Variants in OGG1 observed in about 807,000 individuals in gnomAD.
OGG1 encodes the protein 8-oxoguanine DNA glycosylase.
OGG1 carries 35 observed loss-of-function variants against 42.3 expected under a neutral mutation model. The ratio of observed to expected loss-of-function variants is 0.83; its 90% confidence interval spans 0.63 to 1.10. The LOEUF (loss-of-function observed/expected upper bound fraction) is 1.10. Among genes scored for constraint, OGG1 ranks in the 50% least tolerant of loss-of-function variants. The pLI is 0.00. For synonymous variants in OGG1, 189 were observed against 179.0 expected (o/e 1.06, Z -0.44); for missense variants, 484 against 446.7 (o/e 1.08, Z -0.75).
At chr3:9,752,103 C>T in intron 3 of OGG1, 154 bp downstream of exon 3, 1 of 689,566 alleles carries the variant, frequency 1.5e-6, no homozygotes. Context: ...AGTTACTCAT[C>T]CTCCCTATGC....
rs1275229911 is a variant in OGG1 at position 9,754,802 on chromosome 3, C to T, written c.664C>T (p.Leu222=). The T allele has an allele frequency of 1.2e-6, 2 of 1,613,410 alleles. No homozygotes were observed. Among genetic ancestry groups the T allele is most frequent in the Non-Finnish European group, 1.7e-6 (2 of 1,179,800 alleles). ...AGCCATCCTGGAAGAACAGGGCGGG[C>T]TAGCCTGGCTGCAGCAGCTACGAGA... is the stretch of plus-strand genomic sequence containing the variant. ...ARAILEEQGG[L]AWLQQLRESS... is the part of the protein sequence containing the mutation. The change falls in exon 4 of 7, where the codon CTA becomes TTA. Residue 222 remains leucine (L), a synonymous_variant. Coordinates refer to ENST00000344629, the MANE Select transcript of OGG1 (RefSeq NM_002542.6).
intron 3 of OGG1, chr3:9,781,716 G>C: frequency 2.4e-6 from 1 of 416,804 alleles, no homozygotes; most frequent in Admixed American, 2.4e-5. Flanking sequence ...TTCCAGAAGG[G>C]GAAGGAGATG....
chr3:9,751,243 C>A (rs1363864555), intron 2 of OGG1, 51 bp downstream of exon 2: 1 of 1,593,340 alleles, frequency 6.3e-7, no homozygotes, highest in Non-Finnish European at 8.6e-7. Context: ...TAAGTCACTT[C>A]TCTATGACTC....
At chr3:9,763,257 C>T (rs552359347) in intron 7 of OGG1, 13 of 1,611,814 alleles carry the variant, frequency 8.1e-6, no homozygotes, top group Non-Finnish European at 1.1e-5. Context: ...TGGCGGTGTG[C>T]ACCTGTAGTC....
chr3:9,762,770 A>C, intron 7 of OGG1: 1 of 710,640 alleles, frequency 1.4e-6, no homozygotes, highest in Non-Finnish European at 2.4e-6. Flanking sequence ...GGGAGGAGGC[A>C]GTTTAAAGGT....
chr3:9,759,175 CTTA>C (rs2077727656), downstream of OGG1: 1 of 1,603,652 alleles, frequency 6.2e-7, no homozygotes, highest in Admixed American at 1.7e-5. Context: ...CTAATTCCTA[CTTA>C]ACTGACAGCT....
chr3:9,765,726 G>C (rs762117616), intron 7 of OGG1: 1 of 1,611,358 alleles, frequency 6.2e-7, no homozygotes, highest in Admixed American at 1.7e-5. Flanking sequence ...GGCAGGGTCA[G>C]CTTGGGGCAG....
At chr3:9,767,731 C>G, downstream of OGG1, 2 of 1,614,176 alleles carry the variant, frequency 1.2e-6, no homozygotes, top group Non-Finnish European at 1.7e-6. Flanking sequence ...CACCTGGGGC[C>G]TTCCACTGCC....
At chr3:9,761,072 C>T (rs932972830), downstream of OGG1, 6 of 376,948 alleles carry the variant, frequency 1.6e-5, no homozygotes, top group African/African-American at 6.2e-5. Context: ...ACAGCGAGCC[C>T]TTCCCTGACC....
downstream of OGG1, chr3:9,757,472 G>C (rs868547975): frequency 1.9e-6 from 3 of 1,602,964 alleles, no homozygotes; most frequent in African/African-American, 2.7e-5. This position sits in a 1 kb window ranked among gnomAD's most constrained non-coding sequence, Gnocchi z 4.5. Context: ...CCGGTTCAGG[G>C]AGGGAAGGGG....
chr3:9,758,797 T>G, downstream of OGG1: 1 of 257,202 alleles, frequency 3.9e-6, no homozygotes, highest in Non-Finnish European at 7.7e-6. Flanking sequence ...GTGTGGCTAA[T>G]TCTTTTATTT....
At chr3:9,787,378 C>A in intron 3 of OGG1, 1 of 1,571,060 alleles carries the variant, frequency 6.4e-7, no homozygotes. Flanking sequence ...AGTGGGTAAG[C>A]ACTGGCCAGC....
At chr3:9,765,259 G>T (rs939162137) in intron 7 of OGG1, among the ~76,000 whole-genome samples, 1 of 152,066 alleles carries the variant, frequency 6.6e-6, no homozygotes, top group African/African-American at 2.4e-5. Flanking sequence ...GCCCAGGGTG[G>T]TTGGAAGCTC....
rs1438869846 is a variant in OGG1, at chr3:9,786,715, G to A, written c.383-1013G>A. ...TGGGGAAAGTTGGAGAAAAACAGGG[G>A]CATGAGAGGGGCTTCTAGGATATAG... On this transcript the variant is annotated intron_variant, in intron 3 of 3. Transcript: ENST00000426518. 2.0e-5 allele frequency among the ~76,000 whole-genome samples: 3 copies of A among 152,318 alleles called. No homozygotes were observed. In the East Asian group the frequency reaches 5.8e-4, roughly 29 times the overall value.
At position 9,765,879 on chromosome 3, in the gene OGG1, G is replaced by A. The variant is rs776877972; in HGVS notation, c.*48G>A. The stretch of plus-strand genomic sequence containing the variant: ...CTTATCTTCTGCCAGGATCACCTCC[G>A]AGAAGGCCCCCCTATCGGGAGAGGG... On this transcript the variant is annotated 3_prime_UTR_variant, in exon 8 of 8. Coordinates refer to the OGG1 transcript ENST00000302008. 1.6e-5 allele frequency: 26 copies of A among 1,613,920 alleles called. No individual in the cohort carries two copies. Among genetic ancestry groups the A allele is most frequent in the Non-Finnish European group, 2.2e-5 (26 of 1,180,012 alleles).
Position 9,757,309 on chromosome 3 carries a change from G to A in OGG1, c.*159G>A. The A allele has an allele frequency of 6.2e-7, 1 of 1,614,160 alleles. No individual in the cohort carries two copies. The highest frequency in any genetic ancestry group is 1.1e-5 in the South Asian group (1 of 91,080). ...ATCAAGCAGTCAGTTTGCACAACAAGATGGGGTGGGGGATATTGAGGGAGA... is the reference window on the plus strand; with the variant it reads ...ATCAAGCAGTCAGTTTGCACAACAAAATGGGGTGGGGGATATTGAGGGAGA... On this transcript the variant is annotated 3_prime_UTR_variant, in exon 7 of 7. Transcript: ENST00000344629. This position sits in a 1 kb window ranked among gnomAD's most constrained non-coding sequence, Gnocchi z 4.5.
chr3:9,763,425 G>A (rs1386824624), intron 7 of OGG1, among the ~76,000 whole-genome samples: 9 of 144,920 alleles, frequency 6.2e-5, no homozygotes, highest in African/African-American at 2.1e-4. Flanking sequence ...AAAAAAAACA[G>A]CGGTTTAGAG....
downstream of OGG1, among the ~76,000 whole-genome samples, chr3:9,788,546 T>C (rs1456780776): frequency 1.3e-5 from 2 of 150,718 alleles, no homozygotes; most frequent in African/African-American, 4.9e-5. Context: ...CACCCGGCTT[T>C]TTTTTTTTTA....
chr3:9,750,207 G>C lies in OGG1; in HGVS notation c.-80G>C. 6 of 1,541,162 alleles carry C rather than the reference G, an allele frequency of 3.9e-6. No homozygotes were observed. The highest frequency in any genetic ancestry group is 1.2e-5 in the South Asian group (1 of 82,526). On this transcript the variant is annotated 5_prime_UTR_variant, in exon 1 of 7. Coordinates refer to ENST00000344629, the MANE Select transcript of OGG1 (RefSeq NM_002542.6). Reference sequence around the variant, plus strand: ...CGAGGCCTTAAGGGTCGTGGTCCTTGTCTGGGCGGGGTCTTTGGGCGTCGA... The same window carrying C: ...CGAGGCCTTAAGGGTCGTGGTCCTTCTCTGGGCGGGGTCTTTGGGCGTCGA...
Sources: gnomAD v4.1 joint callset for allele counts (sites outside exome capture counted in the v4.1 genomes callset) on GRCh38, gnomAD v4.1.1 for gene constraint, Gnocchi (gnomAD v3.1) non-coding constraint, MANE v1.5 for transcripts, NCBI Gene and HGNC (gene_info 2026-07-23, HGNC 2026-07-21) for gene names.